LSAMP: variants seen among roughly 807,000 people sequenced by gnomAD.
LSAMP encodes the protein limbic system-associated membrane protein.
Under a neutral mutation model 38.6 loss-of-function variants are expected in LSAMP, and 7 were observed. The observed-to-expected ratio is 0.18, with a 90% CI of 0.10 to 0.34. The LOEUF (loss-of-function observed/expected upper bound fraction) is 0.34, where lower values mean the gene tolerates loss of function less well. Among genes scored for constraint, LSAMP ranks in the 10% least tolerant of loss-of-function variants. LSAMP has a pLI of 1.00. For missense variants in LSAMP, 313 were observed against 420.0 expected (o/e 0.75, Z 2.23); for synonymous variants, 154 against 166.8 (o/e 0.92, Z 0.59).
chr3:116,071,710 C>G (rs551190003), intron 2 of LSAMP, among the ~76,000 whole-genome samples: 1 of 152,274 alleles, frequency 6.6e-6, no homozygotes, highest in Non-Finnish European at 1.5e-5. Flanking sequence ...AGGTATTAAG[C>G]TCAGCATCCA....
intron 1 of LSAMP, among the ~76,000 whole-genome samples, chr3:116,195,190 C>T (rs538249007): frequency 2.6e-5 from 4 of 152,300 alleles, no homozygotes; most frequent in African/African-American, 9.6e-5. Context: ...AATTCCCCTC[C>T]TTTGTCTCTC....
chr3:116,218,427 T>C (rs1172364014), intron 1 of LSAMP, among the ~76,000 whole-genome samples: 1 of 152,162 alleles, frequency 6.6e-6, no homozygotes, highest in Non-Finnish European at 1.5e-5. Context: ...ATTCACAAAT[T>C]TGCTGTGTAA....
At chr3:115,816,210 G>T (rs1294519976) in intron 6 of LSAMP, among the ~76,000 whole-genome samples, 1 of 152,136 alleles carries the variant, frequency 6.6e-6, no homozygotes, top group Non-Finnish European at 1.5e-5. Flanking sequence ...GCATTTTAGG[G>T]TCTGTTTTAT....
chr3:116,020,516 C>T (rs1346325567), intron 2 of LSAMP, among the ~76,000 whole-genome samples: 1 of 152,178 alleles, frequency 6.6e-6, no homozygotes, highest in African/African-American at 2.4e-5. Context: ...AATTCAGGGC[C>T]TTTGCTCATA....
chr3:115,975,018 A>G (rs1209604492), intron 3 of LSAMP, among the ~76,000 whole-genome samples: 2 of 152,158 alleles, frequency 1.3e-5, no homozygotes, highest in African/African-American at 2.4e-5. Context: ...AATCAAAGCT[A>G]TGTTGGAGGT....
intron 1 of LSAMP, among the ~76,000 whole-genome samples, chr3:116,292,822 A>T (rs2047285207): frequency 6.6e-6 from 1 of 152,214 alleles, no homozygotes; most frequent in Non-Finnish European, 1.5e-5. Context: ...GAAAGTGTTC[A>T]TTCAGAACAC....
chr3:116,085,994 C>G (rs1417933561), intron 2 of LSAMP, among the ~76,000 whole-genome samples: 1 of 152,170 alleles, frequency 6.6e-6, no homozygotes, highest in Admixed American at 6.5e-5. Context: ...GAAAAGTGTA[C>G]TTCATATGGC....
intron 1 of LSAMP, among the ~76,000 whole-genome samples, chr3:116,310,249 G>A (rs1658540595): frequency 6.6e-6 from 1 of 152,058 alleles, no homozygotes; most frequent in Admixed American, 6.6e-5. Flanking sequence ...TCTTTTCAAG[G>A]CAGTTTTTGC....
At chr3:116,114,650 C>T (rs907290882) in intron 1 of LSAMP, among the ~76,000 whole-genome samples, 8 of 152,118 alleles carry the variant, frequency 5.3e-5, no homozygotes, top group Non-Finnish European at 1.0e-4. Context: ...GAAATACTAA[C>T]GTTGCTTTTA....
chr3:116,162,897 C>CT (rs1052788550), intron 1 of LSAMP, among the ~76,000 whole-genome samples: 20 of 151,948 alleles, frequency 1.3e-4, no homozygotes, highest in African/African-American at 4.8e-4. Flanking sequence ...TTCTCCCTCT[C>CT]AAGGTGCTCC....
intron 1 of LSAMP, among the ~76,000 whole-genome samples, chr3:116,153,112 T>C (rs188717211): frequency 6.6e-6 from 1 of 152,240 alleles, no homozygotes; most frequent in Admixed American, 6.6e-5. Context: ...AGAATGAAAG[T>C]ATAAACTGAA....
chr3:116,198,918 T>C (rs1005392398), intron 1 of LSAMP, among the ~76,000 whole-genome samples: 2 of 151,584 alleles, frequency 1.3e-5, no homozygotes, highest in African/African-American at 2.4e-5. Flanking sequence ...TCTCTGCAAA[T>C]AGTTGTTTTT....
chr3:116,092,312 G>A (rs1708142444), intron 1 of LSAMP, among the ~76,000 whole-genome samples: 1 of 152,040 alleles, frequency 6.6e-6, no homozygotes, highest in Admixed American at 6.6e-5. Context: ...TAAAATGAAA[G>A]TAAAGGAGAG....
At chr3:115,948,912 C>T (rs1184068834) in intron 3 of LSAMP, among the ~76,000 whole-genome samples, 1 of 152,122 alleles carries the variant, frequency 6.6e-6, no homozygotes, top group Non-Finnish European at 1.5e-5. Context: ...GCAGGCAGAA[C>T]ACTTGAGGCC....
chr3:116,231,643 G>T (rs1478420972), intron 1 of LSAMP, among the ~76,000 whole-genome samples: 2 of 152,160 alleles, frequency 1.3e-5, no homozygotes, highest in Admixed American at 6.5e-5. Context: ...TCACAGAGAA[G>T]TGGGCAATTA....
intron 1 of LSAMP, among the ~76,000 whole-genome samples, chr3:116,434,360 C>G (rs1222161635): frequency 6.6e-6 from 1 of 152,116 alleles, no homozygotes; most frequent in Non-Finnish European, 1.5e-5. Context: ...ATATTTCAGG[C>G]AAGACACAAG....
intron 1 of LSAMP, among the ~76,000 whole-genome samples, chr3:116,173,039 TAA>T (rs1227487340): frequency 6.6e-6 from 1 of 152,046 alleles, no homozygotes; most frequent in Non-Finnish European, 1.5e-5. Flanking sequence ...TCAAAAATCT[TAA>T]GATCGACTTA....
chr3:116,379,589 C>A (rs183015427), intron 1 of LSAMP, among the ~76,000 whole-genome samples: 1 of 151,990 alleles, frequency 6.6e-6, no homozygotes, highest in East Asian at 1.9e-4. Context: ...CAAAATCTGT[C>A]GGGATCAAGT....
chr3:116,051,919 C>A (rs1013108655), intron 2 of LSAMP, among the ~76,000 whole-genome samples: 2 of 152,160 alleles, frequency 1.3e-5, no homozygotes, highest in African/African-American at 4.8e-5. Flanking sequence ...CATACCACCA[C>A]CAACTGCTTC....
Sources: allele counts gnomAD v4.1 joint callset (sites outside exome capture counted in the v4.1 genomes callset), GRCh38; gene constraint gnomAD v4.1.1; transcripts MANE v1.5; gene names NCBI Gene and HGNC (gene_info 2026-07-23, HGNC 2026-07-21).